The following ACO1 variants were observed in gnomAD, a reference collection of about 807,000 sequenced individuals.
ACO1 encodes the protein cytoplasmic aconitate hydratase.
ACO1 carries 78 observed loss-of-function variants against 105.1 expected under a neutral mutation model. That is an observed-to-expected ratio of 0.74 (90% CI 0.62 to 0.90). The LOEUF (loss-of-function observed/expected upper bound fraction) is 0.90, where lower values mean the gene tolerates loss of function less well. Ranked by LOEUF, ACO1 falls within the 40% of genes least tolerant of loss-of-function variation. The pLI is 0.00. For missense variants in ACO1, 965 were observed against 1,111.1 expected, an observed-to-expected ratio of 0.87 and a Z score of 1.87; for synonymous variants, 364 against 397.4, an observed-to-expected ratio of 0.92 and a Z score of 1.00.
In ACO1 at chr9:32,408,209, AG is replaced by A. The variant is rs374025801; in HGVS notation, c.267-304del. 5.9e-5 allele frequency among the ~76,000 whole-genome samples: 9 copies of A among 152,348 alleles called. No individual in the cohort carries two copies. The East Asian group carries it at 1.2e-3, about 20-fold the overall frequency. On this transcript the variant is annotated intron_variant, in intron 3 of 20. Coordinates refer to ENST00000309951, the MANE Select transcript of ACO1 (RefSeq NM_002197.3). The stretch of plus-strand genomic sequence containing the variant: ...TGAATGGGAAGCACTCACAGCAGTA[AG>A]AGTTCCAGAGTTGTTAAGTGCCAGC...
At chr9:32,449,228 C>A in intron 20 of ACO1, 147 bp downstream of exon 20, 1 of 685,382 alleles carries the variant, frequency 1.5e-6, no homozygotes, top group Non-Finnish European at 2.4e-6. Context: ...CTACTAGCAT[C>A]TTTTCTACCT....
chr9:32,451,619 T>C lies in ACO1; in HGVS notation c.*1508T>C, dbSNP rs1822768558. 1 of 152,302 alleles carries C rather than the reference T, an allele frequency of 6.6e-6. No homozygotes were observed. The highest frequency in any genetic ancestry group is 1.5e-5 in the Non-Finnish European group (1 of 68,056). 9.4% of individuals were successfully genotyped at this position (152,302 alleles called of 1,614,324 possible). ...TTGTAATGAATTTTTAATGTCAACC[T>C]TAGCACTCAGGGGATATGGCCTGGT... On this transcript the variant is annotated 3_prime_UTR_variant, in exon 21 of 21. Transcript: ENST00000309951.
chr9:32,430,319 G>T lies in ACO1; in HGVS notation c.1570-99G>T, dbSNP rs1587544615. On this transcript the variant is annotated intron_variant, in intron 13 of 20. Coordinates refer to ENST00000309951, the MANE Select transcript of ACO1 (RefSeq NM_002197.3). ...AACCAAGTGAAAGGGCAGCTTAAAG[G>T]ACTGTATCCTTGCGATGTGGAAACT... 19 of 1,264,482 alleles carry T rather than the reference G, an allele frequency of 1.5e-5. No individual in the cohort carries two copies. In the East Asian group the frequency reaches 3.7e-4, roughly 25 times the overall value. 78.3% of individuals were successfully genotyped at this position (1,264,482 alleles called of 1,614,324 possible). A position where few individuals can be genotyped will look rare whatever the true frequency, so the allele number is the denominator to read the frequency against.
chr9:32,438,507 C>T (rs1258180509), intron 18 of ACO1, among the ~76,000 whole-genome samples: 1 of 152,140 alleles, frequency 6.6e-6, no homozygotes, highest in Non-Finnish European at 1.5e-5. Context: ...ATGATAGCTC[C>T]ATGACAGAGA....
chr9:32,407,706 G>A (rs541228341), intron 3 of ACO1, among the ~76,000 whole-genome samples: 1 of 152,238 alleles, frequency 6.6e-6, no homozygotes, highest in South Asian at 2.1e-4. Context: ...CTAGTCCTGA[G>A]TATCTTAGGG....
chr9:32,424,213 G>A (rs551930442), intron 9 of ACO1, among the ~76,000 whole-genome samples: 246 of 152,198 alleles, frequency 1.6e-3, no homozygotes, highest in Middle Eastern at 0.014. Flanking sequence ...ACCCACCTTC[G>A]GCCTAACTTA....
Position 32,453,831 on chromosome 9 carries a change from C to T in ACO1, c.*3720C>T, listed in dbSNP as rs966925188. ...TCATAAACACAAGTGGAATTTAACA[C>T]CCAGCCAGTTTGTGTTCAACCAGAC... On this transcript the variant is annotated 3_prime_UTR_variant, in exon 21 of 21. Coordinates refer to ENST00000309951, the MANE Select transcript of ACO1 (RefSeq NM_002197.3). The T allele has an allele frequency of 6.6e-6, 1 of 152,146 alleles. No homozygotes were observed. The highest frequency in any genetic ancestry group is 2.4e-5 in the African/African-American group (1 of 41,410). 9.4% of individuals were successfully genotyped at this position (152,146 alleles called of 1,614,324 possible).
intron 19 of ACO1, among the ~76,000 whole-genome samples, chr9:32,447,893 G>A (rs756811961): frequency 1.2e-4 from 18 of 152,130 alleles, no homozygotes; most frequent in Admixed American, 7.2e-4. Context: ...TATCACCAGC[G>A]GAAGCTGCAG....
At chr9:32,395,104 G>A (rs1254481927) in intron 1 of ACO1, among the ~76,000 whole-genome samples, 2 of 152,164 alleles carry the variant, frequency 1.3e-5, no homozygotes, top group Non-Finnish European at 1.5e-5. Context: ...TTAAAGATTG[G>A]ATCTCAACTG....
At chr9:32,438,208 G>T (rs989284891) in intron 18 of ACO1, among the ~76,000 whole-genome samples, 1 of 151,744 alleles carries the variant, frequency 6.6e-6, no homozygotes, top group Admixed American at 6.6e-5. Flanking sequence ...TGAGGAAAAT[G>T]ATTTGCATCC....
In ACO1 at chr9:32,423,317, A is replaced by C; in HGVS notation, c.971-2A>C. 2.6e-6 allele frequency: 4 copies of C among 1,567,178 alleles called. No individual in the cohort carries two copies. The highest frequency in any genetic ancestry group is 3.5e-6 in the Non-Finnish European group (4 of 1,153,926). ...CTTGTTACTCCTTAAAATGCCTTTT[A>C]GGTCGTGATGAAGAAAAATTAAAGT... On this transcript the variant is annotated splice_acceptor_variant, in intron 8 of 20. Coordinates refer to ENST00000309951, the MANE Select transcript of ACO1 (RefSeq NM_002197.3). LOFTEE classifies it high-confidence loss of function.
chr9:32,445,206 C>A (rs1051340748), intron 19 of ACO1, among the ~76,000 whole-genome samples: 4 of 152,146 alleles, frequency 2.6e-5, no homozygotes, highest in Non-Finnish European at 5.9e-5. Context: ...CCTCTTTGTA[C>A]CTCTGGTAGA....
Position 32,405,600 on chromosome 9 carries a change from T to C in ACO1, c.94T>C (p.Tyr32His). 6.2e-7 allele frequency: 1 copy of C among 1,602,428 alleles called. No individual in the cohort carries two copies. The highest frequency in any genetic ancestry group is 8.5e-7 in the Non-Finnish European group (1 of 1,170,190). ...FNLNKLEDSR[Y>H]GRLPFSIRVL... Reference sequence around the variant, plus strand: ...TTTGAATAAATTGGAGGATTCAAGATATGGTAGGTACATGGCTGTGATAGC... The same window carrying C: ...TTTGAATAAATTGGAGGATTCAAGACATGGTAGGTACATGGCTGTGATAGC... Residue 32 changes from tyrosine to histidine, a missense_variant, in exon 2 of 21, where the codon TAT (tyrosine) becomes CAT (histidine). Transcript: ENST00000309951.
At position 32,424,417 on chromosome 9, in the gene ACO1, C is replaced by T. The variant is rs183209546; in HGVS notation, c.1072-132C>T. 35 of 653,314 alleles carry T rather than the reference C, an allele frequency of 5.4e-5. No homozygotes were observed. The East Asian group carries it at 9.4e-4, about 18-fold the overall frequency. The allele number at this position is 653,314 out of a possible 1,614,324, so 40.5% of individuals were successfully genotyped here. Reference sequence around the variant, plus strand: ...GAGGATTAAGAGAAACACTGGCTTCCTTGTTTTGGAATGTGGTAGTTTATT... The same window carrying T: ...GAGGATTAAGAGAAACACTGGCTTCTTTGTTTTGGAATGTGGTAGTTTATT... On this transcript the variant is annotated intron_variant, in intron 9 of 20. Transcript: ENST00000309951.
At chr9:32,394,862 G>T (rs965279836) in intron 1 of ACO1, among the ~76,000 whole-genome samples, 1 of 152,188 alleles carries the variant, frequency 6.6e-6, no homozygotes, top group African/African-American at 2.4e-5. Flanking sequence ...CCCGAGTTCA[G>T]TCAGCCCTGA....
intron 19 of ACO1, among the ~76,000 whole-genome samples, chr9:32,444,161 T>A (rs1448143758): frequency 1.3e-5 from 2 of 152,234 alleles, no homozygotes; most frequent in Non-Finnish European, 2.9e-5. Context: ...CATCCTTTTT[T>A]ATGGCTGCAT....
chr9:32,408,796 A>G, intron 4 of ACO1, 145 bp downstream of exon 4: 1 of 978,398 alleles, frequency 1.0e-6, no homozygotes, highest in Non-Finnish European at 1.4e-6. Context: ...TACATTTCGC[A>G]GTAAAGATGT....
intron 4 of ACO1, among the ~76,000 whole-genome samples, chr9:32,409,047 C>T (rs1216078111): frequency 1.3e-5 from 2 of 152,162 alleles, no homozygotes; most frequent in East Asian, 1.9e-4. Flanking sequence ...GCATATCTAG[C>T]GATCTCTGCC....
chr9:32,452,594 GAAAC>G lies in ACO1; in HGVS notation c.*2489_*2492del, dbSNP rs1192576498. 1.3e-5 allele frequency: 2 copies of G among 152,222 alleles called. No individual in the cohort carries two copies. The highest frequency in any genetic ancestry group is 3.9e-4 in the East Asian group (2 of 5,184). 9.4% of individuals were successfully genotyped at this position (152,222 alleles called of 1,614,324 possible). On this transcript the variant is annotated 3_prime_UTR_variant, in exon 21 of 21. Coordinates refer to ENST00000309951, the MANE Select transcript of ACO1 (RefSeq NM_002197.3). ...GCCCAACCAAGACTGTGGTTATGAGGAAACAAACACATTATTGTGGCTAGACTAA... is the reference window on the plus strand; with the variant it reads ...GCCCAACCAAGACTGTGGTTATGAGGAAACACATTATTGTGGCTAGACTAA...
Sources: allele counts gnomAD v4.1 joint callset (sites outside exome capture counted in the v4.1 genomes callset), GRCh38; gene constraint gnomAD v4.1.1; transcripts MANE v1.5; gene names NCBI Gene and HGNC (gene_info 2026-07-23, HGNC 2026-07-21).